ACP7: variants seen among roughly 807,000 people sequenced by gnomAD.
ACP7 encodes the protein acid phosphatase 7, tartrate resistant (putative).
In ACP7, 58 loss-of-function variants were observed where a neutral mutation model predicts 60.6. The observed-to-expected ratio is 0.96, with a 90% CI of 0.77 to 1.19. The LOEUF is 1.19. Ranked by LOEUF, ACP7 falls within the 50% of genes most tolerant of loss-of-function variation. ACP7 has a pLI of 0.00. For missense variants in ACP7, 574 were observed against 596.2 expected (o/e 0.96, Z 0.39); for synonymous variants, 237 against 232.6 (o/e 1.02, Z -0.17).
At chr19:39,098,928 A>G (rs1200494093) in intron 3 of ACP7, 32 bp from the exon 4 acceptor site, 18 of 1,596,716 alleles carry the variant, frequency 1.1e-5, no homozygotes, top group Middle Eastern at 1.7e-4. Context: ...GGGGCGCCCC[A>G]GCTGACTGCG....
chr19:39,089,363 C>T lies in ACP7; in HGVS notation c.121+3973C>T, dbSNP rs532805560. ...GATTACAGGTGTGAGCCACCATGCC[C>T]GGCCTATTTTAAAACTTTTAAATTT... On this transcript the variant is annotated intron_variant, in intron 2 of 12. Coordinates refer to ENST00000331256, the MANE Select transcript of ACP7 (RefSeq NM_001004318.3). Among the ~76,000 whole-genome samples, 12 of 152,250 alleles carry T rather than the reference C, an allele frequency of 7.9e-5. No individual in the cohort carries two copies. The South Asian group carries it at 8.3e-4, about 11-fold the overall frequency.
Position 39,098,721 on chromosome 19 carries a change from G to C in ACP7, c.322+63G>C, listed in dbSNP as rs1336145942. On this transcript the variant is annotated intron_variant, in intron 3 of 12. Coordinates refer to ENST00000331256, the MANE Select transcript of ACP7 (RefSeq NM_001004318.3). ...GGGAAGAGGAGTGGGATGCAGACTA[G>C]AAGCTACCACTGGCCGGTGGCTCAG... 4 of 1,511,738 alleles carry C rather than the reference G, an allele frequency of 2.6e-6. No individual in the cohort carries two copies. In the Admixed American group the frequency reaches 8.0e-5, roughly 30 times the overall value. The allele number at this position is 1,511,738 out of a possible 1,614,324, so 93.6% of individuals were successfully genotyped here. A position where few individuals can be genotyped will look rare whatever the true frequency, so the allele number is the denominator to read the frequency against.
intron 11 of ACP7, among the ~76,000 whole-genome samples, chr19:39,102,164 T>C (rs1023318948): frequency 1.1e-4 from 14 of 127,732 alleles, no homozygotes; most frequent in Non-Finnish European, 1.6e-4. Context: ...ACACAAAAGA[T>C]ACTGGGTGGC....
chr19:39,098,672 C>T lies in ACP7; in HGVS notation c.322+14C>T, dbSNP rs2073300494. The T allele has an allele frequency of 6.3e-7, 1 of 1,598,892 alleles. No individual in the cohort carries two copies. Among genetic ancestry groups the T allele is most frequent in the Non-Finnish European group, 8.5e-7 (1 of 1,171,788 alleles). On this transcript the variant is annotated intron_variant, in intron 3 of 12. Coordinates refer to ENST00000331256, the MANE Select transcript of ACP7 (RefSeq NM_001004318.3). ...GGGTTCAGTATGGTGAGAGGGGCCC[C>T]AGGCTGAGCTGTTGAGGAGGAGTGG...
intron 1 of ACP7, among the ~76,000 whole-genome samples, chr19:39,084,672 C>T (rs899892198): frequency 1.1e-4 from 17 of 151,158 alleles, no homozygotes; most frequent in Admixed American, 1.1e-3. Context: ...GAGGCGAGGT[C>T]CCGGGGGCAG....
chr19:39,084,769 G>A (rs558494384), intron 1 of ACP7, among the ~76,000 whole-genome samples: 1 of 152,026 alleles, frequency 6.6e-6, no homozygotes, highest in Non-Finnish European at 1.5e-5. Context: ...GCTGCGGAAT[G>A]CAACCTCCTA....
chr19:39,098,649 G>T lies in ACP7; in HGVS notation c.313G>T (p.Val105Phe), dbSNP rs1221429327. The T allele has an allele frequency of 2.8e-5, 45 of 1,610,770 alleles. No homozygotes were observed. The highest frequency in any genetic ancestry group is 3.7e-5 in the Non-Finnish European group (44 of 1,178,332). ...RVTLRKLLPG[V>F]QYVYRCGSAQ... ...CACGCTTCGCAAGCTGCTGCCAGGGGTTCAGTATGGTGAGAGGGGCCCCAG... is the reference window on the plus strand; with the variant it reads ...CACGCTTCGCAAGCTGCTGCCAGGGTTTCAGTATGGTGAGAGGGGCCCCAG... Residue 105 changes from valine to phenylalanine, a missense_variant, in exon 3 of 13, where the codon GTT becomes TTT. By Grantham distance (50) the Val-to-Phe change is conservative (BLOSUM62 -1). Transcript: ENST00000331256.
chr19:39,086,582 A>T (rs570462047), intron 2 of ACP7, among the ~76,000 whole-genome samples: 4 of 141,846 alleles, frequency 2.8e-5, no homozygotes, highest in Non-Finnish European at 3.0e-5. Context: ...ATGAGCCAAG[A>T]TCATGCCATT....
chr19:39,099,237 G>A (rs2073311654), intron 4 of ACP7, 95 bp downstream of exon 4: 1 of 1,318,036 alleles, frequency 7.6e-7, no homozygotes, highest in Admixed American at 3.6e-5. Flanking sequence ...GTCGGGGGCG[G>A]TGCTAGGACC....
intron 2 of ACP7, among the ~76,000 whole-genome samples, chr19:39,087,085 T>C (rs2073151311): frequency 6.6e-6 from 1 of 152,120 alleles, no homozygotes; most frequent in African/African-American, 2.4e-5. Context: ...CTTGGCTCAC[T>C]GCAGCCTCTG....
chr19:39,093,993 T>G (rs1446853088), intron 2 of ACP7, among the ~76,000 whole-genome samples: 1 of 152,200 alleles, frequency 6.6e-6, no homozygotes, highest in Non-Finnish European at 1.5e-5. Flanking sequence ...GTTTCCCGTA[T>G]TTTGCAATTA....
rs779259517 is a variant in ACP7, at chr19:39,100,671, C to T, written c.692+29C>T. 8 of 1,612,982 alleles carry T rather than the reference C, an allele frequency of 5.0e-6. No individual in the cohort carries two copies. The African/African-American group carries it at 8.0e-5, about 16-fold the overall frequency. ...ATGTGGGGGTGCTGGGGGACTGGCC[C>T]TCTCCCCTGAAGGATGGGAGATGCA... On this transcript the variant is annotated intron_variant, in intron 6 of 12. Transcript: ENST00000331256.
Position 39,110,325 on chromosome 19 carries a change from G to T in ACP7, c.*207G>T. The T allele has an allele frequency of 1.7e-6, 1 of 590,488 alleles. No homozygotes were observed. Among genetic ancestry groups the T allele is most frequent in the Non-Finnish European group, 3.0e-6 (1 of 333,406 alleles). The allele number at this position is 590,488 out of a possible 1,614,324, so 36.6% of individuals were successfully genotyped here. On this transcript the variant is annotated 3_prime_UTR_variant, in exon 13 of 13. Coordinates refer to ENST00000331256, the MANE Select transcript of ACP7 (RefSeq NM_001004318.3). ...AGTCCTGGCTGGCTGTGGAGGGAGG[G>T]CAGGTGTGCGGGCACAGAGTGACAC...
At chr19:39,102,118 T>TCACACACA (rs755325181) in intron 11 of ACP7, among the ~76,000 whole-genome samples, 3,145 of 132,894 alleles carry the variant, frequency 0.024, 106 homozygotes, top group African/African-American at 0.063. Flanking sequence ...AGACCCTTTC[T>TCACACACA]CTCACACACA....
chr19:39,093,172 C>CTTTCTTTCTTCCTTCCTTCCT, intron 2 of ACP7, among the ~76,000 whole-genome samples: 1 of 80,868 alleles, frequency 1.2e-5, no homozygotes, highest in Non-Finnish European at 2.5e-5. Context: ...CTTTCTTTCT[C>CTTTCTTTCTTCCTTCCTTCCT]TCCTTCCTTC....
At chr19:39,085,470 A>G in intron 2 of ACP7, 80 bp downstream of exon 2, 1 of 1,503,808 alleles carries the variant, frequency 6.6e-7, no homozygotes, top group Non-Finnish European at 8.9e-7. Context: ...CAGGAATCCC[A>G]CACTGTGAGC....
chr19:39,106,317 T>A (rs1275518799), intron 11 of ACP7, among the ~76,000 whole-genome samples: 2 of 152,176 alleles, frequency 1.3e-5, no homozygotes, highest in East Asian at 3.8e-4. Flanking sequence ...ATCACCCCGC[T>A]TCCCTGCTTT....
intron 2 of ACP7, among the ~76,000 whole-genome samples, chr19:39,091,478 T>C (rs506417): frequency 0.19 from 29,233 of 152,116 alleles, 2,866 homozygotes; most frequent in East Asian, 0.3. Flanking sequence ...TCCTTTTTAT[T>C]GGAGTATTTA....
At position 39,100,588 on chromosome 19, in the gene ACP7, C is replaced by G. The variant is rs1273176900; in HGVS notation, c.638C>G (p.Ser213Cys). ...PGNHEERYNF[S>C]NYKARFSMPG... The stretch of plus-strand genomic sequence containing the variant: ...TACTTCCTTTATTCCAGCAACTTCT[C>G]TAACTACAAGGCTCGCTTCAGCATG... The change falls in exon 6 of 13, where the codon TCT becomes TGT. Residue 213 changes from serine to cysteine, a missense_variant. Transcript: ENST00000331256. 5.9e-5 allele frequency: 95 copies of G among 1,613,880 alleles called. No individual in the cohort carries two copies. The highest frequency in any genetic ancestry group is 7.4e-5 in the Non-Finnish European group (87 of 1,179,928).
Sources: gnomAD v4.1 joint callset for allele counts (sites outside exome capture counted in the v4.1 genomes callset) on GRCh38, gnomAD v4.1.1 for gene constraint, MANE v1.5 for transcripts, NCBI Gene and HGNC (gene_info 2026-07-23, HGNC 2026-07-21) for gene names.